UCHL1: variants seen among roughly 807,000 people sequenced by gnomAD.
The protein encoded by UCHL1 is ubiquitin carboxyl-terminal hydrolase isozyme L1.
In UCHL1, 5 loss-of-function variants were observed where a neutral mutation model predicts 33.3. The observed-to-expected ratio is 0.15, with a 90% CI of 0.08 to 0.32. The LOEUF is 0.32. Ranked by LOEUF, UCHL1 falls within the 10% of genes least tolerant of loss-of-function variation. The pLI is 1.00. For synonymous variants in UCHL1, 132 were observed against 108.8 expected (o/e 1.21, Z -1.33); for missense variants, 236 against 280.0 (o/e 0.84, Z 1.12).
At chr4:41,259,592 G>A (rs1310198242) in intron 3 of UCHL1, among the ~76,000 whole-genome samples, 1 of 152,178 alleles carries the variant, frequency 6.6e-6, no homozygotes, top group Non-Finnish European at 1.5e-5. Context: ...TTCATGTACA[G>A]AAATGCAAAG....
At chr4:41,260,255 G>C (rs1393356084) in intron 3 of UCHL1, among the ~76,000 whole-genome samples, 2 of 152,216 alleles carry the variant, frequency 1.3e-5, no homozygotes, top group Non-Finnish European at 2.9e-5. Flanking sequence ...TCAATTGACT[G>C]AAGCTTGATT....
At chr4:41,265,636 C>T (rs188006087) in intron 8 of UCHL1, among the ~76,000 whole-genome samples, 10 of 152,260 alleles carry the variant, frequency 6.6e-5, no homozygotes, top group Admixed American at 2.0e-4. Context: ...AGCCATTGTA[C>T]AATACCAATA....
chr4:41,263,365 T>C (rs1781104214), intron 7 of UCHL1, 74 bp downstream of exon 7: 1 of 1,395,484 alleles, frequency 7.2e-7, no homozygotes, highest in Admixed American at 1.7e-5. Flanking sequence ...CTTGATATAT[T>C]GTGTGACTTT....
rs555393576 is a variant in UCHL1, at chr4:41,268,302, G to T, written c.*229G>T. 2 of 592,618 alleles carry T rather than the reference G, an allele frequency of 3.4e-6. No homozygotes were observed. The highest frequency in any genetic ancestry group is 2.8e-5 in the East Asian group (1 of 35,390). 36.7% of individuals were successfully genotyped at this position (592,618 alleles called of 1,614,324 possible). On this transcript the variant is annotated 3_prime_UTR_variant, in exon 9 of 9. Transcript: ENST00000284440. ...TTCAGATGGTGAAGCATTCTCCCCA[G>T]TGTATGTCTTGTATCCGATATCTAA...
At chr4:41,257,852 C>T in intron 3 of UCHL1, 115 bp downstream of exon 3, 1 of 1,432,140 alleles carries the variant, frequency 7.0e-7, no homozygotes, top group Non-Finnish European at 9.2e-7. Context: ...CGGGGCGCGC[C>T]TACAAGGAAG....
intron 8 of UCHL1, among the ~76,000 whole-genome samples, chr4:41,266,915 G>A (rs1781163596): frequency 6.6e-6 from 1 of 152,128 alleles, no homozygotes; most frequent in African/African-American, 2.4e-5. Context: ...AACTCATTGA[G>A]TTGGTGATTT....
intron 6 of UCHL1, 33 bp from the exon 7 acceptor site, chr4:41,263,192 A>G (rs767643318): frequency 2.6e-6 from 4 of 1,539,946 alleles, no homozygotes; most frequent in African/African-American, 1.4e-5. Flanking sequence ...TACAGCTTAC[A>G]CTCATTTTCA....
intron 4 of UCHL1, 55 bp from the exon 5 acceptor site, chr4:41,261,660 T>C: frequency 6.4e-7 from 1 of 1,572,632 alleles, no homozygotes; most frequent in East Asian, 2.2e-5. Context: ...CAACAATAAA[T>C]ATGTACCCAC....
At chr4:41,266,615 A>G (rs1781158646) in intron 8 of UCHL1, among the ~76,000 whole-genome samples, 1 of 152,178 alleles carries the variant, frequency 6.6e-6, no homozygotes, top group African/African-American at 2.4e-5. Context: ...ATGTCAATCC[A>G]GATACTCTTT....
chr4:41,257,425 G>T (rs1780996068), intron 2 of UCHL1, 184 bp from the exon 3 acceptor site: 1 of 963,982 alleles, frequency 1.0e-6, no homozygotes, highest in Admixed American at 3.7e-5. Context: ...CGGGCGCCAC[G>T]TGTGGGCCGC....
chr4:41,263,169 A>G (rs780645281), intron 6 of UCHL1, 56 bp from the exon 7 acceptor site: 5 of 1,382,506 alleles, frequency 3.6e-6, no homozygotes, highest in South Asian at 1.2e-5. Flanking sequence ...GAATTGCAAG[A>G]TAATTTTTAA....
At chr4:41,266,497 A>G (rs1219373618) in intron 8 of UCHL1, among the ~76,000 whole-genome samples, 1 of 152,218 alleles carries the variant, frequency 6.6e-6, no homozygotes, top group Non-Finnish European at 1.5e-5. Flanking sequence ...TTAAAGGTAC[A>G]TCTTTAATAG....
At chr4:41,257,081 C>T (rs748992332) in intron 1 of UCHL1, 34 bp from the exon 2 acceptor site, 2 of 1,613,918 alleles carry the variant, frequency 1.2e-6, no homozygotes, top group Non-Finnish European at 1.7e-6. Flanking sequence ...CTGATCGGTT[C>T]GGTTTTGCCT....
At chr4:41,264,926 A>G (rs1382149148) in intron 8 of UCHL1, among the ~76,000 whole-genome samples, 1 of 152,252 alleles carries the variant, frequency 6.6e-6, no homozygotes, top group African/African-American at 2.4e-5. Flanking sequence ...TGCAGAACTT[A>G]CTGTGTGCAG....
At chr4:41,259,770 T>TC (rs1193939931) in intron 3 of UCHL1, among the ~76,000 whole-genome samples, 7 of 152,320 alleles carry the variant, frequency 4.6e-5, no homozygotes, top group African/African-American at 1.7e-4. Context: ...GCTCAAGTGA[T>TC]CCTCCTGCCT....
At chr4:41,261,678 A>AT (rs759399692) in intron 4 of UCHL1, 37 bp from the exon 5 acceptor site, 6 of 1,599,152 alleles carry the variant, frequency 3.8e-6, no homozygotes, top group Non-Finnish European at 5.1e-6. Flanking sequence ...CACTTGTATT[A>AT]TTTTACCTAT....
Position 41,261,878 on chromosome 4 carries a change from C to G in UCHL1, c.414C>G (p.Ala138=), listed in dbSNP as rs753134305. ...TAATTATTTTCTTTTTTCCGCAGGC[C>G]ATACAGGCAGCCCATGATGCCGTGG... ...DRAKCFEKNE[A]IQAAHDAVAQ... is the part of the protein sequence containing the mutation. Residue 138 remains alanine, a splice_region_variant and synonymous_variant, in exon 6 of 9, where the codon GCC becomes GCG. Transcript: ENST00000284440. 1 of 1,613,980 alleles carries G rather than the reference C, an allele frequency of 6.2e-7. No homozygotes were observed. The highest frequency in any genetic ancestry group is 8.5e-7 in the Non-Finnish European group (1 of 1,180,008).
rs1406225152 is a variant in UCHL1 at position 41,268,110 on chromosome 4, C to T, written c.*37C>T. On this transcript the variant is annotated 3_prime_UTR_variant, in exon 9 of 9. Transcript: ENST00000284440. ...AGGGACTTTGCTGATTTCCCCTCTT[C>T]CCTTCAACATGAAAATATATACCCC... 2 of 1,583,268 alleles carry T rather than the reference C, an allele frequency of 1.3e-6. No homozygotes were observed. The highest frequency in any genetic ancestry group is 8.7e-7 in the Non-Finnish European group (1 of 1,155,584).
intron 8 of UCHL1, 63 bp downstream of exon 8, chr4:41,264,224 C>T: frequency 6.3e-7 from 1 of 1,599,100 alleles, no homozygotes; most frequent in Non-Finnish European, 8.6e-7. Flanking sequence ...ATTTTCTATT[C>T]TAAAGTGCTA....
Sources: gnomAD v4.1 joint callset for allele counts (sites outside exome capture counted in the v4.1 genomes callset) on GRCh38, gnomAD v4.1.1 for gene constraint, MANE v1.5 for transcripts, NCBI Gene and HGNC (gene_info 2026-07-23, HGNC 2026-07-21) for gene names.